KLRF1: variants seen among roughly 807,000 people sequenced by gnomAD.
KLRF1 encodes killer cell lectin like receptor F1.
In KLRF1, 27 loss-of-function variants were observed where a neutral mutation model predicts 30.7. That is an observed-to-expected ratio of 0.88 (90% CI 0.65 to 1.21). KLRF1 has a LOEUF of 1.21. KLRF1 is among the 50% of genes most tolerant of loss of function. The pLI is 0.00. For missense variants in KLRF1, 246 were observed against 259.3 expected, an observed-to-expected ratio of 0.95 and a Z score of 0.35; for synonymous variants, 92 against 89.3, an observed-to-expected ratio of 1.03 and a Z score of -0.17.
At chr12:9,831,497 G>T (rs1182288547) in intron 1 of KLRF1, among the ~76,000 whole-genome samples, 1 of 152,148 alleles carries the variant, frequency 6.6e-6, no homozygotes, top group East Asian at 1.9e-4. Flanking sequence ...AATAATTTCG[G>T]TTACAATAGA....
At chr12:9,834,179 G>A (rs1280431992) in intron 3 of KLRF1, among the ~76,000 whole-genome samples, 1 of 151,848 alleles carries the variant, frequency 6.6e-6, no homozygotes, top group Non-Finnish European at 1.5e-5. Context: ...GCAAGGACTG[G>A]CCATTTTCAC....
chr12:9,833,300 A>C lies in KLRF1; in HGVS notation c.185-3A>C, dbSNP rs1950150017. The C allele has an allele frequency of 4.4e-6, 7 of 1,586,784 alleles. No homozygotes were observed. The highest frequency in any genetic ancestry group is 6.0e-6 in the Non-Finnish European group (7 of 1,168,040). The stretch of plus-strand genomic sequence containing the variant: ...CTAACCTTAAAATAGTCCTGTATTC[A>C]AGTTTCTCAGGGAGTATTGCTAAAA... On this transcript the variant is annotated splice_polypyrimidine_tract_variant and splice_region_variant and intron_variant, in intron 2 of 5. Transcript: ENST00000617889.
At chr12:9,840,726 G>A (rs1430656233) in intron 3 of KLRF1, among the ~76,000 whole-genome samples, 2 of 152,054 alleles carry the variant, frequency 1.3e-5, no homozygotes, top group East Asian at 1.9e-4. Context: ...TTCCTGTAAT[G>A]ATCAGTGATG....
Position 9,842,340 on chromosome 12 carries a change from T to C in KLRF1, c.494T>C (p.Leu165Pro), listed in dbSNP as rs779826490. 1.7e-5 allele frequency: 27 copies of C among 1,611,828 alleles called. 1 individual carries two copies. In the South Asian group the frequency reaches 2.4e-4, roughly 14 times the overall value. The change falls in exon 5 of 6, where the codon CTA becomes CCA. Residue 165 changes from leucine to proline, a missense_variant. By Grantham distance (98) the Leu-to-Pro change is moderately conservative (BLOSUM62 -3). Transcript: ENST00000617889. ...TTTTAGGCTTTTATACAGAAAAACCTAAGACAATTAAACTACGTATGGATT... is the reference window on the plus strand; with the variant it reads ...TTTTAGGCTTTTATACAGAAAAACCCAAGACAATTAAACTACGTATGGATT... ...QLEMAFIQKN[L>P]RQLNYVWIGL...
the KLRF1 span, among the ~76,000 whole-genome samples, chr12:9,814,433 G>A: frequency 6.6e-6 from 1 of 152,190 alleles, no homozygotes; most frequent in African/African-American, 2.4e-5. Flanking sequence ...CAACATAGGG[G>A]ATTGGGTTGT....
rs35443913 is a variant in KLRF1 at position 9,833,901 on chromosome 12, C to CTTTTTTTTTTTTTTTTT, written c.334+458_334+474dup. 1.1e-4 allele frequency among the ~76,000 whole-genome samples: 9 copies of CTTTTTTTTTTTTTTTTT among 82,402 alleles called. 1 individual carries two copies. The highest frequency in any genetic ancestry group is 4.4e-4 in the African/African-American group (8 of 18,060). The allele number at this position is 82,402 out of a possible 152,430, so 54.1% of individuals were successfully genotyped here. ...TTACCTTCTATTTTTAAATGTTTAA[C>CTTTTTTTTTTTTTTTTT]TTTTTTTTTTTTTTTTTTTTTTTTT... is the stretch of plus-strand genomic sequence containing the variant. On this transcript the variant is annotated intron_variant, in intron 3 of 5. Transcript: ENST00000617889.
chr12:9,832,683 G>GTGTA (rs1555120466), intron 2 of KLRF1, among the ~76,000 whole-genome samples: 36 of 151,024 alleles, frequency 2.4e-4, no homozygotes, highest in African/African-American at 8.3e-4. Context: ...GTGTGTGTGT[G>GTGTA]TGTGTATGTG....
At chr12:9,839,528 A>G (rs1867658455) in intron 3 of KLRF1, among the ~76,000 whole-genome samples, 1 of 152,150 alleles carries the variant, frequency 6.6e-6, no homozygotes, top group Non-Finnish European at 1.5e-5. Flanking sequence ...TTATAACTCA[A>G]AAACACAACC....
At chr12:9,800,434 A>C in the KLRF1 span, among the ~76,000 whole-genome samples, 5 of 151,990 alleles carry the variant, frequency 3.3e-5, no homozygotes, top group African/African-American at 9.7e-5. Flanking sequence ...CTCTTTACCC[A>C]ATATGTAGTT....
At chr12:9,832,171 A>C in intron 1 of KLRF1, 145 bp from the exon 2 acceptor site, 1 of 508,332 alleles carries the variant, frequency 2.0e-6, no homozygotes, top group Admixed American at 3.4e-5. Context: ...ATATTTTTCT[A>C]TTTACTTAGC....
chr12:9,831,043 TCACTACAA>T (rs1451720167), intron 1 of KLRF1, among the ~76,000 whole-genome samples: 2 of 152,068 alleles, frequency 1.3e-5, no homozygotes, highest in African/African-American at 4.8e-5. Flanking sequence ...CGATCTCAGC[TCACTACAA>T]CCTGTAGTGC....
chr12:9,843,816 C>A (rs1248404977), intron 5 of KLRF1, among the ~76,000 whole-genome samples: 1 of 152,126 alleles, frequency 6.6e-6, no homozygotes, highest in Non-Finnish European at 1.5e-5. Context: ...ATCATGTGCA[C>A]CTTTTCCAAG....
At chr12:9,803,116 T>C in the KLRF1 span, among the ~76,000 whole-genome samples, 2 of 152,010 alleles carry the variant, frequency 1.3e-5, no homozygotes, top group Admixed American at 1.3e-4. Flanking sequence ...AGCAGACACA[T>C]AGACCAATGG....
At chr12:9,814,683 A>G in the KLRF1 span, among the ~76,000 whole-genome samples, 1 of 152,226 alleles carries the variant, frequency 6.6e-6, no homozygotes, top group African/African-American at 2.4e-5. Flanking sequence ...CAAGTGCCCA[A>G]GTGCATCATT....
At chr12:9,809,431 A>G in the KLRF1 span, among the ~76,000 whole-genome samples, 2 of 152,160 alleles carry the variant, frequency 1.3e-5, no homozygotes, top group South Asian at 4.1e-4. Context: ...GCCTACTTTT[A>G]AGAGTACAGA....
the KLRF1 span, among the ~76,000 whole-genome samples, chr12:9,809,744 A>G: frequency 6.6e-6 from 1 of 151,930 alleles, no homozygotes; most frequent in Non-Finnish European, 1.5e-5. Flanking sequence ...ACTTAGATTT[A>G]AACTTAGGTT....
chr12:9,844,271 T>C (rs934949708), intron 5 of KLRF1, 147 bp from the exon 6 acceptor site: 5 of 514,998 alleles, frequency 9.7e-6, no homozygotes, highest in Middle Eastern at 5.3e-4. Context: ...TAAGTTACAG[T>C]TACTGTAATC....
intron 1 of KLRF1, among the ~76,000 whole-genome samples, chr12:9,827,976 A>C (rs1867318674): frequency 6.6e-6 from 1 of 152,200 alleles, no homozygotes; most frequent in African/African-American, 2.4e-5. Flanking sequence ...TCTTAAGGAC[A>C]TTCTCTGAGG....
At chr12:9,823,116 A>G (rs1209114125), upstream of KLRF1, among the ~76,000 whole-genome samples, 1 of 152,118 alleles carries the variant, frequency 6.6e-6, no homozygotes, top group Non-Finnish European at 1.5e-5. Context: ...ATAGACCTTT[A>G]CAGTACTCCG....
Sources: allele counts gnomAD v4.1 joint callset (sites outside exome capture counted in the v4.1 genomes callset), GRCh38; gene constraint gnomAD v4.1.1; transcripts MANE v1.5; gene names NCBI Gene and HGNC (gene_info 2026-07-23, HGNC 2026-07-21).